Variants in FRY observed in about 807,000 individuals in gnomAD.
The protein encoded by FRY is FRY microtubule binding protein.
Under a neutral mutation model 348.4 loss-of-function variants are expected in FRY, and 128 were observed. The ratio of observed to expected loss-of-function variants is 0.37; its 90% CI spans 0.32 to 0.43. The LOEUF (loss-of-function observed/expected upper bound fraction) is 0.43, where lower values mean the gene tolerates loss of function less well. Among genes scored for constraint, FRY ranks in the 20% least tolerant of loss-of-function variants. The pLI, the probability that FRY is intolerant of heterozygous loss-of-function variation, is 1.00. For synonymous variants in FRY, 1,370 were observed against 1,374.7 expected, an observed-to-expected ratio of 1.00 and a Z score of 0.08; for missense variants, 2,736 against 3,695.2, an observed-to-expected ratio of 0.74 and a Z score of 6.73.
intron 11 of FRY, among the ~76,000 whole-genome samples, chr13:32,144,661 A>G (rs1300225328): frequency 1.3e-5 from 2 of 152,212 alleles, no homozygotes; most frequent in South Asian, 2.1e-4. Context: ...GACTAAATAA[A>G]TGGAGACAGA....
chr13:32,166,944 C>T (rs1881775245), intron 17 of FRY, among the ~76,000 whole-genome samples: 1 of 152,156 alleles, frequency 6.6e-6, no homozygotes, highest in Admixed American at 6.5e-5. Flanking sequence ...TAAACACTGT[C>T]ATTTTAAGAG....
Position 32,173,521 on chromosome 13 carries a change from C to A in FRY, c.2306C>A (p.Ala769Glu), listed in dbSNP as rs755738376. The change falls in exon 19 of 61, where the codon GCG becomes GAG. Residue 769 changes from alanine (A) to glutamate (E), a missense_variant. Ala to Glu is a moderately radical substitution (Grantham distance 107, BLOSUM62 -1). Around this residue, in one of 9 missense-constraint regions of FRY, gnomAD observed 449 missense variants for 576.9 expected, o/e 0.78. Transcript: ENST00000542859. ...GTTTTAATACTCAAGGAAATTCGAG[C>A]GTTGTTTATTGCCCTGGGGCAGCCT... is the stretch of plus-strand genomic sequence containing the variant. ...LSVLILKEIR[A>E]LFIALGQPED... The A allele has an allele frequency of 9.9e-6, 16 of 1,613,574 alleles. No individual in the cohort carries two copies. Among genetic ancestry groups the A allele is most frequent in the Non-Finnish European group, 1.3e-5 (15 of 1,179,802 alleles).
At chr13:32,053,597 G>A (rs1490070054) in intron 1 of FRY, among the ~76,000 whole-genome samples, 1 of 152,186 alleles carries the variant, frequency 6.6e-6, no homozygotes, top group Non-Finnish European at 1.5e-5. Context: ...TGGACTTACA[G>A]GTCCATAATG....
chr13:32,053,710 T>G (rs392455), intron 1 of FRY, among the ~76,000 whole-genome samples: 70,058 of 152,180 alleles, frequency 0.46, 18,438 homozygotes, highest in Non-Finnish European at 0.57. Context: ...TTGGGCTGTA[T>G]TTTTTAATCC....
At chr13:32,291,457 G>A (rs1352103650) in intron 59 of FRY, among the ~76,000 whole-genome samples, 1 of 149,922 alleles carries the variant, frequency 6.7e-6, no homozygotes, top group African/African-American at 2.5e-5. Context: ...CCAGGCTGGA[G>A]TGCAATGGCA....
intron 55 of FRY, among the ~76,000 whole-genome samples, chr13:32,269,226 T>C (rs1888092910): frequency 1.3e-5 from 2 of 152,094 alleles, no homozygotes; most frequent in African/African-American, 4.8e-5. Context: ...TCTTGGGGAG[T>C]AGGAGACTCC....
Position 32,064,575 on chromosome 13 carries a change from C to T in FRY, c.71-14259C>T, listed in dbSNP as rs557961303. 2.0e-5 allele frequency among the ~76,000 whole-genome samples: 3 copies of T among 152,296 alleles called. No individual in the cohort carries two copies. In the South Asian group the frequency reaches 6.2e-4, roughly 32 times the overall value. On this transcript the variant is annotated intron_variant, in intron 1 of 60. Transcript: ENST00000542859. Reference sequence around the variant, plus strand: ...AGCAGATAGCCCAATACCCCAAGTACACTGGGCCTTCAGTAAATAGTCAAT... The same window carrying T: ...AGCAGATAGCCCAATACCCCAAGTATACTGGGCCTTCAGTAAATAGTCAAT...
chr13:32,260,145 G>A (rs950578638), intron 51 of FRY, among the ~76,000 whole-genome samples: 1 of 152,184 alleles, frequency 6.6e-6, no homozygotes, highest in Non-Finnish European at 1.5e-5. Flanking sequence ...AGACAGACAC[G>A]ACCCTCTGCT....
intron 2 of FRY, among the ~76,000 whole-genome samples, chr13:32,099,553 C>A (rs1437756021): frequency 6.6e-6 from 1 of 151,950 alleles, no homozygotes; most frequent in Admixed American, 6.6e-5. Context: ...ATTTTGAAAA[C>A]GTATAATACA....
chr13:32,244,003 T>C, intron 46 of FRY, 39 bp from the exon 47 acceptor site: 1 of 1,609,626 alleles, frequency 6.2e-7, no homozygotes, highest in Non-Finnish European at 8.5e-7. Flanking sequence ...TACGGAGATC[T>C]GGTGTGTGAC....
Position 32,178,276 on chromosome 13 carries a change from G to A in FRY, c.2521G>A (p.Val841Ile). ...TTATGATGTGAAAAGCCCTTCCCAT[G>A]TCTGGATATTTGCACAGTCTGTCAA... ...SHYDVKSPSH[V>I]WIFAQSVKDP... is the part of the protein sequence containing the mutation. The change falls in exon 21 of 61, where the codon GTC becomes ATC. Residue 841 changes from valine to isoleucine, a missense_variant. Coordinates refer to ENST00000542859, the MANE Select transcript of FRY (RefSeq NM_023037.3). 1.2e-6 allele frequency: 2 copies of A among 1,614,194 alleles called. No homozygotes were observed. The highest frequency in any genetic ancestry group is 1.7e-5 in the Admixed American group (1 of 60,022).
intron 2 of FRY, among the ~76,000 whole-genome samples, chr13:32,082,433 GTCTTA>G (rs1324055932): frequency 6.6e-6 from 1 of 152,032 alleles, no homozygotes; most frequent in Non-Finnish European, 1.5e-5. Flanking sequence ...TTCTTGTCCA[GTCTTA>G]TCATTATTTC....
chr13:32,274,960 A>G lies in FRY; in HGVS notation c.8255A>G (p.Glu2752Gly). The G allele has an allele frequency of 6.2e-7, 1 of 1,613,868 alleles. No homozygotes were observed. The highest frequency in any genetic ancestry group is 8.5e-7 in the Non-Finnish European group (1 of 1,179,862). The change falls in exon 56 of 61, where the codon GAA becomes GGA. Residue 2752 changes from glutamate to glycine, a missense_variant. By Grantham distance (98) the Glu-to-Gly change is moderately conservative. This residue lies in a region of FRY where 789 missense variants were observed against 996.2 expected (regional missense o/e 0.79). Coordinates refer to ENST00000542859, the MANE Select transcript of FRY (RefSeq NM_023037.3). ...TCCCAGATGCTCACCTCCTGCTCTGAATGTCCTACACTTTTTGTGGATGCC... is the reference window on the plus strand; with the variant it reads ...TCCCAGATGCTCACCTCCTGCTCTGGATGTCCTACACTTTTTGTGGATGCC... ...SSSQMLTSCS[E>G]CPTLFVDAET...
rs763889042 is a variant in FRY at position 32,086,002 on chromosome 13, C to A, written c.270+6969C>A. 5.8e-6 allele frequency: 3 copies of A among 518,818 alleles called. No individual in the cohort carries two copies. In the East Asian group the frequency reaches 1.6e-4, roughly 28 times the overall value. The allele number at this position is 518,818 out of a possible 1,614,324, so 32.1% of individuals were successfully genotyped here. The stretch of plus-strand genomic sequence containing the variant: ...GTATTTCCAGCAAAATACTTGAGTC[C>A]TACCCAGGTGTGAATTGTGAAGACC... On this transcript the variant is annotated intron_variant, in intron 2 of 60. Transcript: ENST00000542859.
At chr13:32,193,990 A>G (rs1883520044) in intron 28 of FRY, among the ~76,000 whole-genome samples, 153 bp from the exon 29 acceptor site, 1 of 151,996 alleles carries the variant, frequency 6.6e-6, no homozygotes, top group Non-Finnish European at 1.5e-5. Flanking sequence ...ACGACATTAT[A>G]CTCTTGAAGA....
chr13:32,218,667 G>A lies in FRY; in HGVS notation c.4683-82G>A, dbSNP rs1236975596. 7.0e-6 allele frequency: 5 copies of A among 715,516 alleles called. No individual in the cohort carries two copies. In the African/African-American group the frequency reaches 8.6e-5, roughly 12 times the overall value. 44.3% of individuals were successfully genotyped at this position (715,516 alleles called of 1,614,324 possible). A position where few individuals can be genotyped will look rare whatever the true frequency, so the allele number is the denominator to read the frequency against. ...GTAGTGCAGCCTGGTGACAGAGTGA[G>A]ACTCCAACTCAAAAAAAAAAAAAAA... is the stretch of plus-strand genomic sequence containing the variant. On this transcript the variant is annotated intron_variant, in intron 35 of 60. Coordinates refer to ENST00000542859, the MANE Select transcript of FRY (RefSeq NM_023037.3).
chr13:32,102,937 C>G (rs1464656984), intron 3 of FRY, among the ~76,000 whole-genome samples: 2 of 152,198 alleles, frequency 1.3e-5, no homozygotes, highest in African/African-American at 4.8e-5. Context: ...TAATGAAAAC[C>G]ACACAGGGTG....
chr13:32,093,148 A>G lies in FRY; in HGVS notation c.271-8815A>G, dbSNP rs532109175. ...TGAAGTGAATACTAGAAACAAAATC[A>G]TCTCATCTCTAAGCATTTCCATATG... On this transcript the variant is annotated intron_variant, in intron 2 of 60. Transcript: ENST00000542859. 8.5e-5 allele frequency among the ~76,000 whole-genome samples: 13 copies of G among 152,320 alleles called. No homozygotes were observed. The South Asian group carries it at 2.1e-3, about 24-fold the overall frequency.
intron 2 of FRY, among the ~76,000 whole-genome samples, chr13:32,090,843 T>A (rs944424064): frequency 6.6e-6 from 1 of 152,114 alleles, no homozygotes; most frequent in African/African-American, 2.4e-5. Flanking sequence ...GTACTTAGGG[T>A]TGTTAAATGT....
Sources: allele counts gnomAD v4.1 joint callset (sites outside exome capture counted in the v4.1 genomes callset), GRCh38; gene constraint gnomAD v4.1.1; regional missense constraint gnomAD v4.1.1; transcripts MANE v1.5; gene names NCBI Gene and HGNC (gene_info 2026-07-23, HGNC 2026-07-21).